The following KCND2 variants were observed in gnomAD, a reference collection of about 807,000 sequenced individuals.
KCND2 encodes the protein potassium voltage-gated channel subfamily D member 2.
In KCND2, 16 loss-of-function variants were observed where a neutral mutation model predicts 54.4. The observed-to-expected ratio is 0.29, with a 90% confidence interval of 0.20 to 0.45. The LOEUF is 0.45. Among genes scored for constraint, KCND2 ranks in the 20% least tolerant of loss-of-function variants. The pLI is 1.00. For missense variants in KCND2, 486 were observed against 824.2 expected (o/e 0.59, Z 5.02); for synonymous variants, 317 against 310.7 (o/e 1.02, Z -0.21).
chr7:120,618,969 C>G (rs1391821579), intron 1 of KCND2, among the ~76,000 whole-genome samples: 1 of 152,040 alleles, frequency 6.6e-6, no homozygotes, highest in Non-Finnish European at 1.5e-5. Flanking sequence ...TCACCAGGTC[C>G]GGCTATTCAT....
At chr7:120,484,589 A>T (rs2116286828) in intron 1 of KCND2, among the ~76,000 whole-genome samples, 1 of 151,738 alleles carries the variant, frequency 6.6e-6, no homozygotes, top group Middle Eastern at 3.4e-3. Flanking sequence ...TTTAATACTA[A>T]AAGTAAAGCT....
chr7:120,568,938 A>C (rs1256205708), intron 1 of KCND2, among the ~76,000 whole-genome samples: 1 of 152,106 alleles, frequency 6.6e-6, no homozygotes, highest in Non-Finnish European at 1.5e-5. Flanking sequence ...ATAAATATTC[A>C]ATAATTTTGG....
rs116554146 is a variant in KCND2 at position 120,686,040 on chromosome 7, C to G, written c.1116-46863C>G. On this transcript the variant is annotated intron_variant, in intron 1 of 5. Coordinates refer to ENST00000331113, the MANE Select transcript of KCND2 (RefSeq NM_012281.3). ...ACAGAATGCAGTCATAAAAGTTTCT[C>G]TCTGGCAAAGAAAGGCATTAATACT... Among the ~76,000 whole-genome samples the G allele has an allele frequency of 3.4e-3, 519 of 152,252 alleles. 7 individuals are homozygous for G. The highest frequency in any genetic ancestry group is 0.012 in the African/African-American group (488 of 41,564).
chr7:120,420,600 C>T lies in KCND2; in HGVS notation c.1115+144853C>T, dbSNP rs560593366. ...AGAACAGTTTCAGAAGGGTGCATAT[C>T]CATCGGGGTGAGGAGTAGGGGGAAG... On this transcript the variant is annotated intron_variant, in intron 1 of 5. Coordinates refer to ENST00000331113, the MANE Select transcript of KCND2 (RefSeq NM_012281.3). Among the ~76,000 whole-genome samples, 35 of 152,106 alleles carry T rather than the reference C, an allele frequency of 2.3e-4. No homozygotes were observed. The South Asian group carries it at 6.7e-3, about 29-fold the overall frequency.
intron 1 of KCND2, among the ~76,000 whole-genome samples, chr7:120,645,819 A>C (rs1319410713): frequency 6.6e-6 from 1 of 152,236 alleles, no homozygotes; most frequent in African/African-American, 2.4e-5. Context: ...ACCATGTGAC[A>C]AATGGCATCC....
chr7:120,428,382 G>T (rs1291909292), intron 1 of KCND2, among the ~76,000 whole-genome samples: 2 of 152,164 alleles, frequency 1.3e-5, no homozygotes, highest in African/African-American at 4.8e-5. Flanking sequence ...AGATGACTAA[G>T]TGTTAACTAA....
intron 1 of KCND2, among the ~76,000 whole-genome samples, chr7:120,462,212 T>C (rs1802293484): frequency 1.3e-5 from 2 of 149,502 alleles, no homozygotes; most frequent in Admixed American, 6.6e-5. Context: ...GATTCTTTTT[T>C]GTTTTTTTTT....
intron 1 of KCND2, among the ~76,000 whole-genome samples, chr7:120,391,141 C>T (rs530308186): frequency 1.3e-5 from 2 of 152,220 alleles, no homozygotes; most frequent in South Asian, 2.1e-4. Flanking sequence ...TTGTTCAACT[C>T]CCACTAATGA....
intron 1 of KCND2, among the ~76,000 whole-genome samples, chr7:120,480,067 T>C (rs1277383027): frequency 6.6e-6 from 1 of 151,658 alleles, no homozygotes; most frequent in Non-Finnish European, 1.5e-5. Flanking sequence ...ATAATGAACT[T>C]ATAACATCAA....
chr7:120,552,480 G>T (rs1004487056), intron 1 of KCND2, among the ~76,000 whole-genome samples: 1 of 152,174 alleles, frequency 6.6e-6, no homozygotes, highest in Non-Finnish European at 1.5e-5. Flanking sequence ...TGACATGGGG[G>T]CCTTCTTAAG....
intron 1 of KCND2, among the ~76,000 whole-genome samples, chr7:120,464,795 C>T (rs992211992): frequency 1.3e-5 from 2 of 152,182 alleles, no homozygotes; most frequent in Non-Finnish European, 2.9e-5. Flanking sequence ...AAGCCACCTG[C>T]CTTCTTTCTC....
At chr7:120,482,383 C>T (rs1471763225) in intron 1 of KCND2, among the ~76,000 whole-genome samples, 1 of 152,098 alleles carries the variant, frequency 6.6e-6, no homozygotes, top group Non-Finnish European at 1.5e-5. Context: ...TGAACTGGCA[C>T]TGGAACCAGT....
Position 120,749,522 on chromosome 7 carries a change from C to T in KCND2, c.*1664C>T, listed in dbSNP as rs1317650677. 6.6e-6 allele frequency: 1 copy of T among 152,204 alleles called. No individual in the cohort carries two copies. Among genetic ancestry groups the T allele is most frequent in the Non-Finnish European group, 1.5e-5 (1 of 67,788 alleles). The allele number at this position is 152,204 out of a possible 1,614,324, so 9.4% of individuals were successfully genotyped here. A position where few individuals can be genotyped will look rare whatever the true frequency, so the allele number is the denominator to read the frequency against. On this transcript the variant is annotated 3_prime_UTR_variant, in exon 6 of 6. Transcript: ENST00000331113. ...TACATGGAAAGAGCTAATAATTATC[C>T]CTCTGTCAGAGATGAGATTTTTAAA... is the stretch of plus-strand genomic sequence containing the variant.
chr7:120,675,589 A>C (rs1792050103), intron 1 of KCND2, among the ~76,000 whole-genome samples: 1 of 152,010 alleles, frequency 6.6e-6, no homozygotes, highest in Non-Finnish European at 1.5e-5. Flanking sequence ...GCATATGCCC[A>C]ATTCTCTGGA....
At chr7:120,310,244 A>C (rs1182477093) in intron 1 of KCND2, among the ~76,000 whole-genome samples, 1 of 152,208 alleles carries the variant, frequency 6.6e-6, no homozygotes, top group Non-Finnish European at 1.5e-5. Flanking sequence ...TCTATTAAAA[A>C]CTAAGTTACT....
chr7:120,524,484 A>G (rs1185096462), intron 1 of KCND2, among the ~76,000 whole-genome samples: 1 of 152,206 alleles, frequency 6.6e-6, no homozygotes, highest in Non-Finnish European at 1.5e-5. Context: ...CAGTATTAAT[A>G]TGACTATAGC....
chr7:120,395,776 T>A (rs529478498), intron 1 of KCND2, among the ~76,000 whole-genome samples: 2 of 152,138 alleles, frequency 1.3e-5, no homozygotes, highest in Non-Finnish European at 2.9e-5. Flanking sequence ...ATGAGGCTGG[T>A]GGGAGTGTCA....
At chr7:120,508,495 C>T (rs1224391255) in intron 1 of KCND2, among the ~76,000 whole-genome samples, 1 of 151,912 alleles carries the variant, frequency 6.6e-6, no homozygotes, top group Non-Finnish European at 1.5e-5. Flanking sequence ...TTATTCTGCC[C>T]TCTGACTATA....
At chr7:120,299,335 A>T (rs1408586743) in intron 1 of KCND2, among the ~76,000 whole-genome samples, 1 of 152,122 alleles carries the variant, frequency 6.6e-6, no homozygotes, top group African/African-American at 2.4e-5. Context: ...GTTTAATAGG[A>T]AGTGAGACTT....
Sources: gnomAD v4.1 joint callset for allele counts (sites outside exome capture counted in the v4.1 genomes callset) on GRCh38, gnomAD v4.1.1 for gene constraint, MANE v1.5 for transcripts, NCBI Gene and HGNC (gene_info 2026-07-23, HGNC 2026-07-21) for gene names.